Variants in MBD5 observed in about 807,000 individuals in gnomAD.
MBD5 encodes methyl-CpG-binding domain protein 5.
A neutral mutation model predicts 117.3 loss-of-function variants in MBD5; 13 were observed. That is an observed-to-expected ratio of 0.11 (90% CI 0.07 to 0.18). The LOEUF (loss-of-function observed/expected upper bound fraction) is 0.18, where lower values mean the gene tolerates loss of function less well. Ranked by LOEUF, MBD5 falls within the 10% of genes least tolerant of loss-of-function variation. MBD5 has a pLI of 1.00. For synonymous variants in MBD5, 727 were observed against 766.4 expected (o/e 0.95, Z 0.85); for missense variants, 1,879 against 2,093.8 (o/e 0.90, Z 2.00).
chr2:148,219,674 T>C (rs1699636163), intron 2 of MBD5, among the ~76,000 whole-genome samples: 2 of 152,190 alleles, frequency 1.3e-5, no homozygotes, highest in South Asian at 4.1e-4. Flanking sequence ...TGTGTAACTG[T>C]AACATAAAAT....
At chr2:148,313,049 A>G (rs1702070685) in intron 3 of MBD5, among the ~76,000 whole-genome samples, 2 of 152,078 alleles carry the variant, frequency 1.3e-5, no homozygotes, top group African/African-American at 4.8e-5. Context: ...GGCACCCGCT[A>G]GATGCCAGCT....
intron 3 of MBD5, among the ~76,000 whole-genome samples, chr2:148,332,944 C>T (rs922599041): frequency 1.3e-5 from 2 of 151,622 alleles, no homozygotes; most frequent in Non-Finnish European, 2.9e-5. Context: ...ATATTCATGT[C>T]CTTTGTCTCC....
intron 1 of MBD5, among the ~76,000 whole-genome samples, chr2:148,023,728 A>C (rs2105533901): frequency 1.3e-5 from 2 of 152,172 alleles, no homozygotes; most frequent in Admixed American, 1.3e-4. Context: ...CTGAGTAAAA[A>C]TTTAGTCTTG....
intron 4 of MBD5, among the ~76,000 whole-genome samples, chr2:148,348,574 T>A (rs1207833334): frequency 6.6e-6 from 1 of 152,134 alleles, no homozygotes; most frequent in Non-Finnish European, 1.5e-5. Context: ...AATTAAGAAA[T>A]TTTTTGAGAG....
intron 1 of MBD5, among the ~76,000 whole-genome samples, chr2:148,149,334 T>C (rs558168791): frequency 1.2e-4 from 16 of 135,688 alleles, no homozygotes; most frequent in African/African-American, 4.5e-4. Flanking sequence ...TAATCCAGTC[T>C]ATCATTGTTG....
At chr2:148,174,611 T>TAAA (rs1309669856) in intron 1 of MBD5, among the ~76,000 whole-genome samples, 19 of 150,950 alleles carry the variant, frequency 1.3e-4, no homozygotes, top group African/African-American at 4.6e-4. Flanking sequence ...AAGAAAATTT[T>TAAA]AAAAAAAAAC....
At chr2:148,399,149 T>A (rs1704833654) in intron 4 of MBD5, among the ~76,000 whole-genome samples, 1 of 152,222 alleles carries the variant, frequency 6.6e-6, no homozygotes, top group Non-Finnish European at 1.5e-5. Flanking sequence ...CTTTTGTGGT[T>A]CCATATGAAC....
At chr2:148,384,315 T>C (rs1704266818) in intron 4 of MBD5, among the ~76,000 whole-genome samples, 2 of 151,968 alleles carry the variant, frequency 1.3e-5, no homozygotes, top group Non-Finnish European at 2.9e-5. Flanking sequence ...TATACACCAA[T>C]AACAGACAAA....
chr2:148,400,710 A>G (rs1310043291), intron 4 of MBD5, among the ~76,000 whole-genome samples: 1 of 152,182 alleles, frequency 6.6e-6, no homozygotes, highest in Non-Finnish European at 1.5e-5. Context: ...TATTAGCCCT[A>G]TTATTAACTA....
intron 13 of MBD5, among the ~76,000 whole-genome samples, chr2:148,511,995 GGTAAAA>G (rs1682228088): frequency 6.6e-6 from 1 of 152,108 alleles, no homozygotes; most frequent in Admixed American, 6.6e-5. Flanking sequence ...GGTTGGCCAG[GGTAAAA>G]GTTTTACACC....
chr2:148,253,399 A>G (rs1005423204), intron 3 of MBD5, among the ~76,000 whole-genome samples: 9 of 152,174 alleles, frequency 5.9e-5, no homozygotes, highest in African/African-American at 2.2e-4. Flanking sequence ...GGAGACAGAG[A>G]AGCAGTCAGT....
chr2:148,234,274 T>G (rs1303537968), intron 3 of MBD5, among the ~76,000 whole-genome samples: 1 of 152,122 alleles, frequency 6.6e-6, no homozygotes, highest in African/African-American at 2.4e-5. Context: ...TTAGAATTTT[T>G]TATTTAGTGT....
chr2:148,129,938 A>G (rs1696994849), intron 1 of MBD5, among the ~76,000 whole-genome samples: 1 of 152,228 alleles, frequency 6.6e-6, no homozygotes, highest in African/African-American at 2.4e-5. Context: ...TTACCTCCCT[A>G]AATAACATCA....
intron 4 of MBD5, among the ~76,000 whole-genome samples, chr2:148,384,805 C>G: frequency 6.6e-6 from 1 of 151,830 alleles, no homozygotes; most frequent in Non-Finnish European, 1.5e-5. Flanking sequence ...AGAAGTAATG[C>G]CACATATCTA....
At chr2:148,358,491 G>A (rs955131333) in intron 4 of MBD5, among the ~76,000 whole-genome samples, 6 of 152,058 alleles carry the variant, frequency 3.9e-5, no homozygotes, top group Non-Finnish European at 7.4e-5. Flanking sequence ...AAGCAAAATA[G>A]GCTGGGTGCA....
chr2:148,207,509 A>G (rs1699314332), intron 2 of MBD5, among the ~76,000 whole-genome samples: 1 of 152,030 alleles, frequency 6.6e-6, no homozygotes, highest in Non-Finnish European at 1.5e-5. Context: ...CTAGACTTGG[A>G]AAAGTTACTA....
chr2:148,220,315 T>C (rs1358224390), intron 2 of MBD5, among the ~76,000 whole-genome samples: 1 of 152,172 alleles, frequency 6.6e-6, no homozygotes, highest in Non-Finnish European at 1.5e-5. Flanking sequence ...AGCTAATCCT[T>C]ACAGAGGCCT....
chr2:148,462,301 T>A (rs1042753620), intron 5 of MBD5, among the ~76,000 whole-genome samples: 6 of 152,200 alleles, frequency 3.9e-5, no homozygotes, highest in African/African-American at 1.2e-4. Flanking sequence ...TTCTTAAGAA[T>A]AGCATTTTTA....
intron 1 of MBD5, among the ~76,000 whole-genome samples, chr2:148,033,004 G>A (rs750249715): frequency 8.5e-5 from 13 of 152,148 alleles, no homozygotes; most frequent in Non-Finnish European, 1.2e-4. Flanking sequence ...TACTTCAAGT[G>A]CATTAGGCTG....
Sources: gnomAD v4.1 joint callset for allele counts (sites outside exome capture counted in the v4.1 genomes callset) on GRCh38, gnomAD v4.1.1 for gene constraint, MANE v1.5 for transcripts, NCBI Gene and HGNC (gene_info 2026-07-23, HGNC 2026-07-21) for gene names.